The following SLC20A2 variants were observed in gnomAD, a reference collection of about 807,000 sequenced individuals.
The protein encoded by SLC20A2 is sodium-dependent phosphate transporter 2.
A neutral mutation model predicts 61.0 loss-of-function variants in SLC20A2; 30 were observed. That is an observed-to-expected ratio of 0.49 (90% CI 0.37 to 0.67). The LOEUF (loss-of-function observed/expected upper bound fraction) is 0.67. Ranked by LOEUF, SLC20A2 falls within the 30% of genes least tolerant of loss-of-function variation. SLC20A2 has a pLI of 0.00. For missense variants in SLC20A2, 626 were observed against 866.4 expected (o/e 0.72, Z 3.48); for synonymous variants, 351 against 353.3 (o/e 0.99, Z 0.07).
At chr8:42,484,307 C>A (rs1235625048) in intron 1 of SLC20A2, among the ~76,000 whole-genome samples, 1 of 152,178 alleles carries the variant, frequency 6.6e-6, no homozygotes, top group African/African-American at 2.4e-5. Context: ...CTAAACAAGG[C>A]AATATAGTCC....
chr8:42,486,910 A>T (rs1809058665), intron 1 of SLC20A2, among the ~76,000 whole-genome samples: 1 of 152,174 alleles, frequency 6.6e-6, no homozygotes, highest in South Asian at 2.1e-4. Context: ...TCTGTTGCCC[A>T]GGCTGGAATG....
At chr8:42,507,436 T>C (rs1211954154) in intron 1 of SLC20A2, among the ~76,000 whole-genome samples, 1 of 151,734 alleles carries the variant, frequency 6.6e-6, no homozygotes, top group Non-Finnish European at 1.5e-5. Context: ...CCTTGATAAA[T>C]AGCTAATTCA....
At chr8:42,491,555 C>A (rs1460976518) in intron 1 of SLC20A2, among the ~76,000 whole-genome samples, 1 of 151,792 alleles carries the variant, frequency 6.6e-6, no homozygotes, top group Non-Finnish European at 1.5e-5. Flanking sequence ...CCTGTAATCC[C>A]ACCTATTTGG....
intron 1 of SLC20A2, among the ~76,000 whole-genome samples, chr8:42,499,503 CTAG>C (rs1420342176): frequency 2.6e-5 from 4 of 152,286 alleles, no homozygotes; most frequent in African/African-American, 9.6e-5. Flanking sequence ...CACATGCTTC[CTAG>C]TAGTAGAAAA....
At chr8:42,479,500 TAAA>T (rs369424384) in intron 1 of SLC20A2, among the ~76,000 whole-genome samples, 4 of 144,700 alleles carry the variant, frequency 2.8e-5, no homozygotes, top group African/African-American at 1.0e-4. Flanking sequence ...ACACAGTTCT[TAAA>T]AAAAAAAAAA....
At chr8:42,487,179 T>TC (rs1190472847) in intron 1 of SLC20A2, among the ~76,000 whole-genome samples, 5 of 134,760 alleles carry the variant, frequency 3.7e-5, no homozygotes, top group Non-Finnish European at 6.3e-5. Context: ...TTTCTTTCTT[T>TC]TTTTTTTTTT....
At chr8:42,478,212 C>CTTT (rs35343530) in intron 1 of SLC20A2, among the ~76,000 whole-genome samples, 3,917 of 127,500 alleles carry the variant, frequency 0.031, 133 homozygotes, top group Non-Finnish European at 0.046. Flanking sequence ...TTTTCCTTTT[C>CTTT]TTTTTTTTTT....
At chr8:42,482,953 G>A (rs1428304742) in intron 1 of SLC20A2, among the ~76,000 whole-genome samples, 1 of 152,178 alleles carries the variant, frequency 6.6e-6, no homozygotes, top group South Asian at 2.1e-4. Context: ...GGCTGAGGCA[G>A]GAGAGTCGCT....
At chr8:42,532,992 A>G (rs1244404623) in intron 1 of SLC20A2, among the ~76,000 whole-genome samples, 2 of 152,200 alleles carry the variant, frequency 1.3e-5, no homozygotes, top group African/African-American at 4.8e-5. Flanking sequence ...GAAATTCTGG[A>G]CCGAAGAGGA....
chr8:42,439,121 A>G (rs1208340521), intron 7 of SLC20A2, among the ~76,000 whole-genome samples: 1 of 152,222 alleles, frequency 6.6e-6, no homozygotes, highest in Non-Finnish European at 1.5e-5. Context: ...TGGGTTAACC[A>G]ACGTTCAGCA....
upstream of SLC20A2, among the ~76,000 whole-genome samples, chr8:42,505,921 T>C (rs142698335): frequency 1.9e-4 from 29 of 151,734 alleles, no homozygotes; most frequent in African/African-American, 6.8e-4. Context: ...AAAATGAACA[T>C]TGAAGAAAAA....
intron 6 of SLC20A2, 27 bp from the exon 7 acceptor site, chr8:42,439,680 A>AGAATG: frequency 6.8e-7 from 1 of 1,467,008 alleles, no homozygotes; most frequent in Non-Finnish European, 9.6e-7. Context: ...CATACTGAAC[A>AGAATG]TTCTGGAAGA....
At chr8:42,497,487 A>G (rs1302083323) in intron 1 of SLC20A2, among the ~76,000 whole-genome samples, 1 of 152,154 alleles carries the variant, frequency 6.6e-6, no homozygotes, top group African/African-American at 2.4e-5. Context: ...CTGAAGAAAC[A>G]GGGTCCCCAC....
chr8:42,529,621 T>A (rs1216324302), intron 1 of SLC20A2, among the ~76,000 whole-genome samples: 1 of 152,150 alleles, frequency 6.6e-6, no homozygotes, highest in Non-Finnish European at 1.5e-5. Context: ...AACCAGTACC[T>A]CAGCTCATCC....
intron 1 of SLC20A2, chr8:42,484,943 G>A (rs756131000): frequency 5.1e-6 from 2 of 395,950 alleles, no homozygotes; most frequent in Non-Finnish European, 1.0e-5. Context: ...AGGCCAAGAG[G>A]TGAACAGGGC....
chr8:42,509,579 A>T (rs1346825741), intron 1 of SLC20A2, among the ~76,000 whole-genome samples: 1 of 152,130 alleles, frequency 6.6e-6, no homozygotes. Context: ...AAAATAAAAA[A>T]AAAATTAAAA....
chr8:42,530,741 A>C (rs998000349), intron 1 of SLC20A2, among the ~76,000 whole-genome samples: 3 of 152,178 alleles, frequency 2.0e-5, no homozygotes, highest in Admixed American at 2.0e-4. Context: ...TTTTTGAGAC[A>C]GTCTTACTCT....
intron 1 of SLC20A2, among the ~76,000 whole-genome samples, chr8:42,532,728 G>A (rs944442980): frequency 1.3e-5 from 2 of 152,202 alleles, no homozygotes; most frequent in African/African-American, 4.8e-5. Context: ...GTGGAGACGA[G>A]AAGGAACCAG....
Position 42,417,955 on chromosome 8 carries a change from C to T in SLC20A2, c.1807G>A (p.Val603Met). ...CGGGAGCGGATCCAGCCCACGGCCA[C>T]CACCGAGCCCACCTGTGGGAGCAGA... ...STTHCKVGSVVAVGWIRSRKA... is the reference protein window; with the variant it reads ...STTHCKVGSVMAVGWIRSRKA... Residue 603 changes from valine (V) to methionine (M), a missense_variant, in exon 11 of 11, where the codon GTG (valine) becomes ATG (methionine). Physicochemically the swap from Val to Met is conservative, Grantham distance 21. Around this residue, in one of 3 missense-constraint regions of SLC20A2, gnomAD observed 138 missense variants for 228.7 expected, o/e 0.60. Coordinates refer to ENST00000520262, the MANE Select transcript of SLC20A2 (RefSeq NM_001257180.2). The T allele has an allele frequency of 6.2e-7, 1 of 1,613,442 alleles. No individual in the cohort carries two copies. The highest frequency in any genetic ancestry group is 8.5e-7 in the Non-Finnish European group (1 of 1,179,804).
Sources: allele counts gnomAD v4.1 joint callset (sites outside exome capture counted in the v4.1 genomes callset), GRCh38; gene constraint gnomAD v4.1.1; regional missense constraint gnomAD v4.1.1; transcripts MANE v1.5; gene names NCBI Gene and HGNC (gene_info 2026-07-23, HGNC 2026-07-21).